Variants in DMRT1 observed in about 807,000 individuals in gnomAD.
DMRT1 encodes doublesex and mab-3 related transcription factor 1, also known as doublesex- and mab-3-related transcription factor 1.
In DMRT1, 7 loss-of-function variants were observed where a neutral mutation model predicts 32.3. That is an observed-to-expected ratio of 0.22 (90% confidence interval 0.12 to 0.41). The LOEUF is 0.41. Ranked by LOEUF, DMRT1 falls within the 10% of genes least tolerant of loss-of-function variation. The pLI, the probability that DMRT1 is intolerant of heterozygous loss-of-function variation, is 1.00. For missense variants in DMRT1, 625 were observed against 500.5 expected, an observed-to-expected ratio of 1.25 and a Z score of -2.37; for synonymous variants, 278 against 206.1, an observed-to-expected ratio of 1.35 and a Z score of -2.99.
chr9:899,992 T>C (rs994533256), intron 3 of DMRT1, among the ~76,000 whole-genome samples: 13 of 152,308 alleles, frequency 8.5e-5, no homozygotes, highest in Admixed American at 2.6e-4. Flanking sequence ...TTTATGGTTG[T>C]CCATTGACGA....
chr9:848,462 T>C (rs1052431618), intron 2 of DMRT1, among the ~76,000 whole-genome samples: 4 of 152,164 alleles, frequency 2.6e-5, no homozygotes, highest in Non-Finnish European at 4.4e-5. Context: ...GACTATGTAA[T>C]TAACAGAGGT....
At chr9:948,711 C>T (rs1434371402) in intron 4 of DMRT1, among the ~76,000 whole-genome samples, 1 of 151,944 alleles carries the variant, frequency 6.6e-6, no homozygotes, top group African/African-American at 2.4e-5. Context: ...AGTGGCCACC[C>T]AACACTTTAC....
At chr9:851,205 G>C (rs1452316142) in intron 2 of DMRT1, among the ~76,000 whole-genome samples, 4 of 151,918 alleles carry the variant, frequency 2.6e-5, no homozygotes, top group African/African-American at 4.8e-5. Flanking sequence ...GTGTTTACTA[G>C]GTCAGTAGCT....
chr9:900,212 A>T (rs1199700903), intron 3 of DMRT1, among the ~76,000 whole-genome samples: 4 of 151,662 alleles, frequency 2.6e-5, no homozygotes, highest in Non-Finnish European at 5.9e-5. Flanking sequence ...CTTGAAGCAC[A>T]GAAAAAAGTG....
intron 2 of DMRT1, among the ~76,000 whole-genome samples, chr9:875,102 G>T (rs557560894): frequency 9.9e-5 from 15 of 152,196 alleles, no homozygotes; most frequent in Non-Finnish European, 1.6e-4. Flanking sequence ...GAGCCACCGC[G>T]CCCGGCCAAC....
chr9:912,914 A>G (rs1457903983), intron 3 of DMRT1, among the ~76,000 whole-genome samples: 2 of 152,180 alleles, frequency 1.3e-5, no homozygotes, highest in African/African-American at 2.4e-5. Context: ...TACTCCAGTG[A>G]GAGTGAAGTT....
At chr9:893,815 C>A in intron 2 of DMRT1, 97 bp from the exon 3 acceptor site, 2 of 1,140,768 alleles carry the variant, frequency 1.8e-6, no homozygotes, top group Non-Finnish European at 2.6e-6. Flanking sequence ...TATTCAGCTA[C>A]CTTGCTCCGC....
rs191879126 is a variant in DMRT1 at position 845,601 on chromosome 9, C to T, written c.355-1359C>T. ...TCCAGTCCCCAGTTCTGGCTCTCTT[C>T]TTCCTGTCTGTCTGGAATATCACAC... is the stretch of plus-strand genomic sequence containing the variant. On this transcript the variant is annotated intron_variant, in intron 1 of 4. Transcript: ENST00000382276. 2.2e-3 allele frequency among the ~76,000 whole-genome samples: 328 copies of T among 152,278 alleles called. 2 individuals carry two copies. The highest frequency in any genetic ancestry group is 6.2e-3 in the South Asian group (30 of 4,822).
intron 4 of DMRT1, among the ~76,000 whole-genome samples, chr9:917,205 G>A (rs1315698801): frequency 6.6e-6 from 1 of 152,114 alleles, no homozygotes; most frequent in South Asian, 2.1e-4. Flanking sequence ...AAATACAGGG[G>A]CACTTTAAAT....
chr9:897,052 A>G (rs1420756623), intron 3 of DMRT1, among the ~76,000 whole-genome samples: 1 of 150,800 alleles, frequency 6.6e-6, no homozygotes, highest in East Asian at 2.0e-4. Flanking sequence ...TGAGCTACAA[A>G]TTTTCTTAAG....
Position 893,998 on chromosome 9 carries a change from T to A in DMRT1, c.625T>A (p.Tyr209Asn). 1 of 1,614,228 alleles carries A rather than the reference T, an allele frequency of 6.2e-7. No homozygotes were observed. Among genetic ancestry groups the A allele is most frequent in the Non-Finnish European group, 8.5e-7 (1 of 1,180,008 alleles). Residue 209 changes from tyrosine (Y) to asparagine (N), a missense_variant, in exon 3 of 5, where the codon TAC becomes AAC. Around this residue, in one of 3 missense-constraint regions of DMRT1, gnomAD observed 416 missense variants for 321.6 expected, o/e 1.29. Transcript: ENST00000382276. ...ACCTGACCTGGTTTCAGACTCCACC[T>A]ACTACAGCAGCTTCTACCAGCCGTC... Reference protein sequence around the residue: ...NTPDLVSDSTYYSSFYQPSLF... With the variant: ...NTPDLVSDSTNYSSFYQPSLF...
intron 3 of DMRT1, among the ~76,000 whole-genome samples, chr9:900,815 G>A (rs1349535281): frequency 6.6e-6 from 1 of 151,690 alleles, no homozygotes; most frequent in Non-Finnish European, 1.5e-5. Flanking sequence ...CTCACGAGTA[G>A]CTGGGACTAC....
At chr9:887,513 A>T (rs1170884885) in intron 2 of DMRT1, among the ~76,000 whole-genome samples, 4 of 152,194 alleles carry the variant, frequency 2.6e-5, no homozygotes, top group African/African-American at 9.7e-5. Context: ...TAACTCCAGC[A>T]TAACCTTCCA....
chr9:967,700 C>A (rs1819973723), intron 4 of DMRT1, among the ~76,000 whole-genome samples: 1 of 152,172 alleles, frequency 6.6e-6, no homozygotes, highest in Non-Finnish European at 1.5e-5. Flanking sequence ...AAAGAGGATG[C>A]AGCCGACTTG....
intron 3 of DMRT1, among the ~76,000 whole-genome samples, 184 bp from the exon 4 acceptor site, chr9:916,579 C>T (rs982796009): frequency 2.6e-5 from 4 of 152,096 alleles, no homozygotes; most frequent in Admixed American, 1.3e-4. Context: ...ACTGTGTTGC[C>T]CTGGCTGGTC....
chr9:897,950 A>G (rs1817435533), intron 3 of DMRT1, among the ~76,000 whole-genome samples: 1 of 152,228 alleles, frequency 6.6e-6, no homozygotes, highest in African/African-American at 2.4e-5. Flanking sequence ...AACATAAAGT[A>G]TAGGTAAAAA....
chr9:885,110 A>C (rs1816875245), intron 2 of DMRT1, among the ~76,000 whole-genome samples: 1 of 152,214 alleles, frequency 6.6e-6, no homozygotes, highest in Non-Finnish European at 1.5e-5. Flanking sequence ...CCCACTGCTC[A>C]AGCCTCTAGG....
At chr9:944,094 G>A (rs1258898001) in intron 4 of DMRT1, among the ~76,000 whole-genome samples, 2 of 152,168 alleles carry the variant, frequency 1.3e-5, no homozygotes, top group African/African-American at 4.8e-5. Flanking sequence ...TAGTTTTCCT[G>A]ACTGTAAGTT....
intron 4 of DMRT1, among the ~76,000 whole-genome samples, chr9:936,225 C>G (rs1158993787): frequency 6.6e-6 from 1 of 152,154 alleles, no homozygotes; most frequent in Non-Finnish European, 1.5e-5. Flanking sequence ...CAAGAGAGAA[C>G]TGTTGAAATG....
Sources: allele counts gnomAD v4.1 joint callset (sites outside exome capture counted in the v4.1 genomes callset), GRCh38; gene constraint gnomAD v4.1.1; regional missense constraint gnomAD v4.1.1; transcripts MANE v1.5; gene names NCBI Gene and HGNC (gene_info 2026-07-23, HGNC 2026-07-21).